Variants in ZNRF2 observed in about 807,000 individuals in gnomAD.
The protein encoded by ZNRF2 is zinc and ring finger 2, also known as E3 ubiquitin-protein ligase ZNRF2.
A neutral mutation model predicts 20.4 loss-of-function variants in ZNRF2; 16 were observed. That is an observed-to-expected ratio of 0.79 (90% CI 0.53 to 1.19). ZNRF2 has a LOEUF of 1.19. Ranked by LOEUF, ZNRF2 falls within the 50% of genes most tolerant of loss-of-function variation. ZNRF2 has a pLI of 0.00. For synonymous variants in ZNRF2, 178 were observed against 144.9 expected (o/e 1.23, Z -1.64); for missense variants, 363 against 332.4 (o/e 1.09, Z -0.72).
intron 3 of ZNRF2, among the ~76,000 whole-genome samples, chr7:30,360,666 G>C (rs768193417): frequency 2.0e-5 from 3 of 152,164 alleles, no homozygotes; most frequent in Non-Finnish European, 4.4e-5. Context: ...CTGCACTTCA[G>C]GCTGGGCGAC....
At chr7:30,319,865 T>C (rs1336842866) in intron 1 of ZNRF2, among the ~76,000 whole-genome samples, 2 of 152,240 alleles carry the variant, frequency 1.3e-5, no homozygotes, top group African/African-American at 4.8e-5. Context: ...CTTGGCCTTT[T>C]ATACACCAAG....
At chr7:30,308,321 T>C (rs1487191823) in intron 1 of ZNRF2, among the ~76,000 whole-genome samples, 1 of 152,144 alleles carries the variant, frequency 6.6e-6, no homozygotes, top group African/African-American at 2.4e-5. Context: ...CATTGTTGGG[T>C]GTTTGTTTCC....
At chr7:30,352,554 G>T (rs1308332406) in intron 2 of ZNRF2, among the ~76,000 whole-genome samples, 1 of 152,040 alleles carries the variant, frequency 6.6e-6, no homozygotes, top group Non-Finnish European at 1.5e-5. Context: ...TGAGGTATGA[G>T]CAATAACACT....
chr7:30,358,947 G>T (rs140366411), intron 3 of ZNRF2, among the ~76,000 whole-genome samples: 2 of 152,148 alleles, frequency 1.3e-5, no homozygotes, highest in African/African-American at 4.8e-5. Flanking sequence ...GTATAAACAA[G>T]TGCTGGCACA....
chr7:30,343,112 C>G (rs997923418), intron 2 of ZNRF2, among the ~76,000 whole-genome samples: 1 of 151,914 alleles, frequency 6.6e-6, no homozygotes, highest in Non-Finnish European at 1.5e-5. Flanking sequence ...GTTCAAGACC[C>G]GACCAGCCTG....
At chr7:30,325,134 G>T (rs1583582308) in intron 2 of ZNRF2, among the ~76,000 whole-genome samples, 1 of 151,956 alleles carries the variant, frequency 6.6e-6, no homozygotes, top group South Asian at 2.1e-4. Context: ...GACTTGGGGG[G>T]GAAAAATCAA....
At chr7:30,310,419 G>A (rs1480772618) in intron 1 of ZNRF2, among the ~76,000 whole-genome samples, 1 of 152,072 alleles carries the variant, frequency 6.6e-6, no homozygotes, top group East Asian at 1.9e-4. Context: ...TCTAGTAAAG[G>A]GCCAGATAGT....
Position 30,312,373 on chromosome 7 carries a change from G to A in ZNRF2, c.470-11269G>A, listed in dbSNP as rs149660550. On this transcript the variant is annotated intron_variant, in intron 1 of 4. Coordinates refer to ENST00000323037, the MANE Select transcript of ZNRF2 (RefSeq NM_147128.4). ...AGTAAAGTGCTCCTGTTGTGTTTGT[G>A]CGTTCATGTGCATATGTATGTGTGT... Among the ~76,000 whole-genome samples the A allele has an allele frequency of 3.0e-4, 45 of 152,220 alleles. 1 individual carries two copies. The East Asian group carries it at 5.6e-3, about 19-fold the overall frequency.
At chr7:30,335,975 G>A (rs1460323562) in intron 2 of ZNRF2, among the ~76,000 whole-genome samples, 1 of 152,154 alleles carries the variant, frequency 6.6e-6, no homozygotes, top group Non-Finnish European at 1.5e-5. Context: ...AAGGTTAGCA[G>A]TGGAGTGACT....
At chr7:30,310,913 A>G (rs1799282623) in intron 1 of ZNRF2, among the ~76,000 whole-genome samples, 1 of 152,078 alleles carries the variant, frequency 6.6e-6, no homozygotes, top group Non-Finnish European at 1.5e-5. Context: ...CATGAGCTGT[A>G]CAGGGGATCG....
intron 1 of ZNRF2, among the ~76,000 whole-genome samples, chr7:30,304,706 T>C (rs1387785309): frequency 9.2e-5 from 14 of 152,160 alleles, no homozygotes; most frequent in Admixed American, 9.2e-4. Context: ...ATAGGTGGAC[T>C]TAAGGGATAT....
chr7:30,302,230 T>TATATGTGAATATATGATA (rs1357734508), intron 1 of ZNRF2, among the ~76,000 whole-genome samples: 2 of 152,210 alleles, frequency 1.3e-5, no homozygotes, highest in African/African-American at 4.8e-5. Flanking sequence ...GATAGTGGTC[T>TATATGTGAATATATGATA]GTAAACCCAA....
At chr7:30,303,567 T>G (rs1314390767) in intron 1 of ZNRF2, among the ~76,000 whole-genome samples, 1 of 152,206 alleles carries the variant, frequency 6.6e-6, no homozygotes, top group African/African-American at 2.4e-5. Flanking sequence ...TGCCTTGAGG[T>G]ATAAGCTCAT....
intron 1 of ZNRF2, among the ~76,000 whole-genome samples, chr7:30,318,189 G>T (rs554728934): frequency 6.6e-6 from 1 of 152,248 alleles, no homozygotes; most frequent in South Asian, 2.1e-4. Flanking sequence ...GGAGGTTCAT[G>T]ACATCTGGGG....
chr7:30,304,679 T>G (rs560092572), intron 1 of ZNRF2, among the ~76,000 whole-genome samples: 1 of 152,318 alleles, frequency 6.6e-6, no homozygotes, highest in Admixed American at 6.5e-5. Flanking sequence ...GGGTTGGGTC[T>G]TGTTTGAACA....
At chr7:30,362,955 G>A (rs42589) in intron 4 of ZNRF2, among the ~76,000 whole-genome samples, 31,191 of 151,772 alleles carry the variant, frequency 0.21, 6,512 homozygotes, top group African/African-American at 0.54. Flanking sequence ...CGTCTCTACT[G>A]AAAATACAAA....
chr7:30,295,060 T>G (rs751459240), intron 1 of ZNRF2, among the ~76,000 whole-genome samples: 4 of 94,218 alleles, frequency 4.2e-5, no homozygotes, highest in African/African-American at 2.4e-4. Context: ...AGTGTGTGTG[T>G]GTGTGTGTGT....
rs1245426754 is a variant in ZNRF2, at chr7:30,295,068, T to A, written c.469+9242T>A. ...GAGAGAGAGTGTGTGTGTGTGTGTGTGTGTGTGTGTGTGTGTGTGTGTGTG... is the reference window on the plus strand; with the variant it reads ...GAGAGAGAGTGTGTGTGTGTGTGTGAGTGTGTGTGTGTGTGTGTGTGTGTG... On this transcript the variant is annotated intron_variant, in intron 1 of 4. Coordinates refer to ENST00000323037, the MANE Select transcript of ZNRF2 (RefSeq NM_147128.4). Among the ~76,000 whole-genome samples the A allele has an allele frequency of 7.7e-4, 108 of 140,112 alleles. 4 individuals are homozygous for A. The highest frequency in any genetic ancestry group is 2.1e-3 in the African/African-American group (71 of 34,394). 91.9% of individuals were successfully genotyped at this position (140,112 alleles called of 152,430 possible). A position where few individuals can be genotyped will look rare whatever the true frequency, so the allele number is the denominator to read the frequency against.
intron 2 of ZNRF2, among the ~76,000 whole-genome samples, chr7:30,353,358 G>A (rs187968576): frequency 6.6e-6 from 1 of 152,108 alleles, no homozygotes; most frequent in African/African-American, 2.4e-5. Context: ...TTGTATACAG[G>A]TATACTTTTC....
Sources: gnomAD v4.1 joint callset for allele counts (sites outside exome capture counted in the v4.1 genomes callset) on GRCh38, gnomAD v4.1.1 for gene constraint, MANE v1.5 for transcripts, NCBI Gene and HGNC (gene_info 2026-07-23, HGNC 2026-07-21) for gene names.